FRG1: variants seen among roughly 807,000 people sequenced by gnomAD.
FRG1 encodes the protein FSHD region gene 1.
FRG1 carries 19 observed loss-of-function variants against 37.0 expected under a neutral mutation model. That is an observed-to-expected ratio of 0.51 (90% confidence interval 0.36 to 0.75). The LOEUF (loss-of-function observed/expected upper bound fraction) is 0.75, where lower values mean the gene tolerates loss of function less well. FRG1 is among the 30% of genes least tolerant of loss of function. The pLI is 0.00. For missense variants in FRG1, 243 were observed against 301.4 expected (o/e 0.81, Z 1.44); for synonymous variants, 73 against 96.5 (o/e 0.76, Z 1.43).
intron 2 of FRG1, among the ~76,000 whole-genome samples, chr4:189,945,281 T>G (rs1433881469): frequency 6.6e-6 from 1 of 152,244 alleles, no homozygotes; most frequent in Non-Finnish European, 1.5e-5. Flanking sequence ...TGTCCAGGAC[T>G]TCTATAGCAT....
At chr4:189,954,388 CTATT>C (rs1736889495) in intron 4 of FRG1, among the ~76,000 whole-genome samples, 1 of 136,968 alleles carries the variant, frequency 7.3e-6, no homozygotes. Context: ...GTACATAGAA[CTATT>C]TATAATAAGA....
intron 2 of FRG1, among the ~76,000 whole-genome samples, chr4:189,951,304 G>T (rs182057085): frequency 0.013 from 1,941 of 151,976 alleles, 16 homozygotes; most frequent in Middle Eastern, 0.02. Context: ...CCTGGCCAAT[G>T]TGGTGAAACC....
chr4:189,942,798 C>T (rs112525926), intron 1 of FRG1, among the ~76,000 whole-genome samples: 1 of 152,152 alleles, frequency 6.6e-6, no homozygotes, highest in African/African-American at 2.4e-5. Flanking sequence ...AGATGCTGCA[C>T]CATTTTACAT....
At position 189,943,266 on chromosome 4, in the gene FRG1, A is replaced by G; in HGVS notation, c.127A>G (p.Ile43Val). 1 of 1,607,614 alleles carries G rather than the reference A, an allele frequency of 6.2e-7. No individual in the cohort carries two copies. The highest frequency in any genetic ancestry group is 8.5e-7 in the Non-Finnish European group (1 of 1,177,678). Residue 43 changes from isoleucine (I) to valine (V), a missense_variant, in exon 2 of 9, where the codon ATT (isoleucine) becomes GTT (valine). By Grantham distance (29) the Ile-to-Val change is conservative (BLOSUM62 3). Transcript: ENST00000226798. ...AGAAGATGAAGAAACCCAGCTTGATATTGTTGGTGAGTCAGTTTTCAGTGC... is the reference window on the plus strand; with the variant it reads ...AGAAGATGAAGAAACCCAGCTTGATGTTGTTGGTGAGTCAGTTTTCAGTGC... ...REEDEETQLD[I>V]VGIWWTVTNF... is the part of the protein sequence containing the mutation.
intron 1 of FRG1, among the ~76,000 whole-genome samples, chr4:189,941,483 A>G (rs1736299222): frequency 1.3e-5 from 2 of 152,218 alleles, no homozygotes; most frequent in South Asian, 2.1e-4. Flanking sequence ...TAATATGTAC[A>G]GTGAAACCAG....
At chr4:189,950,372 ATG>A (rs1736704078) in intron 2 of FRG1, among the ~76,000 whole-genome samples, 2 of 152,078 alleles carry the variant, frequency 1.3e-5, no homozygotes, top group African/African-American at 4.8e-5. Flanking sequence ...TTTAATTCTG[ATG>A]AAGTCCAGTT....
intron 4 of FRG1, among the ~76,000 whole-genome samples, chr4:189,954,594 TC>T (rs57648712): frequency 0.26 from 36,668 of 142,030 alleles, 4,748 homozygotes; most frequent in Middle Eastern, 0.4. Flanking sequence ...GTAGCTTTTT[TC>T]TTTTTTTTTT....
chr4:189,952,417 T>A, intron 3 of FRG1, 130 bp downstream of exon 3: 1 of 805,240 alleles, frequency 1.2e-6, no homozygotes, highest in Non-Finnish European at 2.0e-6. Flanking sequence ...TCTTCCATTT[T>A]TTTTTAATTC....
At chr4:189,941,477 A>G (rs765512424) in intron 1 of FRG1, among the ~76,000 whole-genome samples, 10 of 152,232 alleles carry the variant, frequency 6.6e-5, no homozygotes, top group Non-Finnish European at 1.5e-4. Flanking sequence ...CTAATCTAAT[A>G]TGTACAGTGA....
chr4:189,956,219 C>T (rs201425144), intron 5 of FRG1, among the ~76,000 whole-genome samples: 2 of 151,990 alleles, frequency 1.3e-5, no homozygotes, highest in South Asian at 4.2e-4. Context: ...TGTATTCCTT[C>T]CCCCGCCCCC....
chr4:189,954,454 T>C (rs933207405), intron 4 of FRG1, among the ~76,000 whole-genome samples: 7 of 152,146 alleles, frequency 4.6e-5, no homozygotes, highest in African/African-American at 1.7e-4. Context: ...TAAAGAGGTA[T>C]AATTGAAGAA....
chr4:189,960,161 C>G lies in FRG1; in HGVS notation c.538-587C>G, dbSNP rs1306551561. 2.0e-5 allele frequency among the ~76,000 whole-genome samples: 3 copies of G among 152,278 alleles called. No homozygotes were observed. In the East Asian group the frequency reaches 5.8e-4, roughly 29 times the overall value. Reference sequence around the variant, plus strand: ...ATCCCTTAGGAGACATGAGTCCTTACCATTGCTAATTGCCTGTTCTGTGGG... The same window carrying G: ...ATCCCTTAGGAGACATGAGTCCTTAGCATTGCTAATTGCCTGTTCTGTGGG... On this transcript the variant is annotated intron_variant, in intron 6 of 8. Transcript: ENST00000226798.
At chr4:189,945,407 C>G (rs1736484350) in intron 2 of FRG1, among the ~76,000 whole-genome samples, 1 of 152,194 alleles carries the variant, frequency 6.6e-6, no homozygotes. Flanking sequence ...AAACTTTTAT[C>G]AAAATGAGGA....
intron 2 of FRG1, among the ~76,000 whole-genome samples, chr4:189,946,489 A>T (rs1736535130): frequency 6.6e-6 from 1 of 150,530 alleles, no homozygotes; most frequent in Admixed American, 6.6e-5. Context: ...TCAGTCTTTT[A>T]TTTTTTTCCT....
At position 189,957,318 on chromosome 4, in the gene FRG1, A is replaced by G. The variant is rs913648369; in HGVS notation, c.433-80A>G. The stretch of plus-strand genomic sequence containing the variant: ...TCTGTGATTTTTAAATCAGGGAGGA[A>G]AAATTAATTCAGTCTAAACACTTAA... On this transcript the variant is annotated intron_variant, in intron 5 of 8. Transcript: ENST00000226798. 5.4e-6 allele frequency: 8 copies of G among 1,484,350 alleles called. No homozygotes were observed. In the Admixed American group the frequency reaches 1.9e-4, roughly 35 times the overall value. The allele number at this position is 1,484,350 out of a possible 1,614,324, so 91.9% of individuals were successfully genotyped here.
chr4:189,954,672 A>G (rs1420328308), intron 4 of FRG1, among the ~76,000 whole-genome samples: 1 of 150,038 alleles, frequency 6.7e-6, no homozygotes, highest in South Asian at 2.1e-4. Context: ...GTATCTCACT[A>G]TAACCTCAAA....
chr4:189,947,106 TCGG>T (rs2126802921), intron 2 of FRG1, among the ~76,000 whole-genome samples: 2 of 152,366 alleles, frequency 1.3e-5, no homozygotes, highest in African/African-American at 4.8e-5. Context: ...TCCTCCCGCC[TCGG>T]CGGGATCCAG....
At chr4:189,955,208 ACAGT>A in intron 5 of FRG1, 57 bp downstream of exon 5, 2 of 997,092 alleles carry the variant, frequency 2.0e-6, no homozygotes, top group Non-Finnish European at 3.2e-6. Flanking sequence ...AAGTCTGTTA[ACAGT>A]CAATCATAAT....
At chr4:189,941,105 G>T (rs1425190585) in intron 1 of FRG1, 34 bp downstream of exon 1, 2 of 1,592,646 alleles carry the variant, frequency 1.3e-6, no homozygotes, top group Non-Finnish European at 1.7e-6. Flanking sequence ...AGCCTCCTCC[G>T]TTCTTTTCGG....
Sources: allele counts gnomAD v4.1 joint callset (sites outside exome capture counted in the v4.1 genomes callset), GRCh38; gene constraint gnomAD v4.1.1; transcripts MANE v1.5; gene names NCBI Gene and HGNC (gene_info 2026-07-23, HGNC 2026-07-21).